GMDS: variants seen among roughly 807,000 people sequenced by gnomAD.
GMDS encodes the protein GDP-mannose 4,6 dehydratase.
GMDS carries 20 observed loss-of-function variants against 49.9 expected under a neutral mutation model. The observed-to-expected ratio is 0.40, with a 90% CI of 0.28 to 0.58. The LOEUF (loss-of-function observed/expected upper bound fraction) is 0.58. Ranked by LOEUF, GMDS falls within the 20% of genes least tolerant of loss-of-function variation. The pLI is 0.42. For missense variants in GMDS, 362 were observed against 481.4 expected (o/e 0.75, Z 2.32); for synonymous variants, 177 against 178.6 (o/e 0.99, Z 0.07).
Position 1,672,092 on chromosome 6 carries a change from C to T in GMDS, c.988-47552G>A, listed in dbSNP as rs1183804536. 2.0e-5 allele frequency among the ~76,000 whole-genome samples: 3 copies of T among 152,204 alleles called. No homozygotes were observed. In the East Asian group the frequency reaches 5.8e-4, roughly 29 times the overall value. On this transcript the variant is annotated intron_variant, in intron 9 of 10. Coordinates refer to ENST00000380815, the MANE Select transcript of GMDS (RefSeq NM_001500.4). ...CCCACACTGTCTTATTATATTTCTACAAAAGAGTGTTTTTTCCTGGATTAG... is the reference window on the plus strand; with the variant it reads ...CCCACACTGTCTTATTATATTTCTATAAAAGAGTGTTTTTTCCTGGATTAG...
chr6:1,723,008 G>C (rs1766438009), intron 9 of GMDS, among the ~76,000 whole-genome samples: 1 of 152,194 alleles, frequency 6.6e-6, no homozygotes, highest in African/African-American at 2.4e-5. Context: ...GCTTTAATTG[G>C]ATGCTGGAGT....
At chr6:1,795,011 G>A (rs1054500935) in intron 7 of GMDS, among the ~76,000 whole-genome samples, 5 of 152,018 alleles carry the variant, frequency 3.3e-5, no homozygotes, top group East Asian at 1.9e-4. Flanking sequence ...GAAACATAGC[G>A]AAGCCCCATC....
At chr6:1,699,395 T>C (rs1344956900) in intron 9 of GMDS, among the ~76,000 whole-genome samples, 1 of 151,910 alleles carries the variant, frequency 6.6e-6, no homozygotes, top group Non-Finnish European at 1.5e-5. Flanking sequence ...TGGAGGTTGC[T>C]GAGAGGCTAG....
chr6:1,705,950 C>T, intron 9 of GMDS, among the ~76,000 whole-genome samples: 1 of 152,156 alleles, frequency 6.6e-6, no homozygotes, highest in East Asian at 1.9e-4. Context: ...AGAACAGGTG[C>T]ATCTGGGGGG....
intron 9 of GMDS, among the ~76,000 whole-genome samples, chr6:1,675,151 G>C (rs2113291717): frequency 6.6e-6 from 1 of 152,048 alleles, no homozygotes; most frequent in South Asian, 2.1e-4. Flanking sequence ...TGGTCAGGCT[G>C]GTCTCCAACT....
rs576293297 is a variant in GMDS at position 2,006,020 on chromosome 6, C to T, written c.346-45054G>A. Among the ~76,000 whole-genome samples the T allele has an allele frequency of 2.8e-3, 421 of 152,202 alleles. 4 individuals are homozygous for T. The highest frequency in any genetic ancestry group is 9.6e-3 in the African/African-American group (399 of 41,524). ...ACCTACCATTTTATACACTAATGACCTCCAAATCCTCATTTCTAATTCAAT... is the reference window on the plus strand; with the variant it reads ...ACCTACCATTTTATACACTAATGACTTCCAAATCCTCATTTCTAATTCAAT... On this transcript the variant is annotated intron_variant, in intron 4 of 10. Transcript: ENST00000380815.
At chr6:1,993,096 G>A (rs1223711251) in intron 4 of GMDS, among the ~76,000 whole-genome samples, 2 of 152,014 alleles carry the variant, frequency 1.3e-5, no homozygotes, top group Admixed American at 6.6e-5. Flanking sequence ...TCTCGGGAAC[G>A]CTCACAGTGC....
intron 4 of GMDS, among the ~76,000 whole-genome samples, chr6:1,975,420 C>T (rs1415628652): frequency 1.3e-5 from 2 of 152,176 alleles, no homozygotes; most frequent in Admixed American, 6.5e-5. Context: ...CAACAGCAGA[C>T]TCTGCTGCAT....
intron 1 of GMDS, among the ~76,000 whole-genome samples, chr6:2,180,607 G>C (rs1778477431): frequency 6.6e-6 from 1 of 152,078 alleles, no homozygotes. Context: ...TGAGTAACTT[G>C]TTCCTCTGTG....
chr6:1,630,894 T>A lies in GMDS; in HGVS notation c.988-6354A>T, dbSNP rs550412992. Among the ~76,000 whole-genome samples, 16 of 152,120 alleles carry A rather than the reference T, an allele frequency of 1.1e-4. No homozygotes were observed. In the South Asian group the frequency reaches 3.1e-3, roughly 30 times the overall value. ...CGAGCTGAGATGGGGGGTGGCTGAC[T>A]CATAGTTGTGATGCGGGGGCCATTT... On this transcript the variant is annotated intron_variant, in intron 9 of 10. Transcript: ENST00000380815.
chr6:2,201,167 G>T, intron 1 of GMDS, among the ~76,000 whole-genome samples: 1 of 133,816 alleles, frequency 7.5e-6, no homozygotes, highest in African/African-American at 2.9e-5. Flanking sequence ...GGCAGTGAGG[G>T]CAGCATGTTA....
At chr6:1,738,497 C>T (rs1395958974) in intron 8 of GMDS, among the ~76,000 whole-genome samples, 6 of 152,144 alleles carry the variant, frequency 3.9e-5, no homozygotes, top group Non-Finnish European at 8.8e-5. Context: ...CAAGCCTTTT[C>T]GGAGAACATT....
intron 1 of GMDS, among the ~76,000 whole-genome samples, chr6:2,154,603 T>C (rs1271445699): frequency 3.3e-5 from 5 of 152,044 alleles, no homozygotes; most frequent in Non-Finnish European, 5.9e-5. Context: ...CACCTAAACT[T>C]AGGCCACTCG....
chr6:2,226,922 G>A (rs1297412479), intron 1 of GMDS, among the ~76,000 whole-genome samples: 1 of 152,134 alleles, frequency 6.6e-6, no homozygotes, highest in Non-Finnish European at 1.5e-5. Flanking sequence ...AATCATCCAG[G>A]AATGATTCCA....
chr6:2,071,995 G>A (rs576398396), intron 4 of GMDS, among the ~76,000 whole-genome samples: 28 of 152,280 alleles, frequency 1.8e-4, no homozygotes, highest in African/African-American at 6.0e-4. Flanking sequence ...CTTTGCATTC[G>A]TAGAACAATT....
intron 1 of GMDS, among the ~76,000 whole-genome samples, chr6:2,226,013 G>GA (rs982123304): frequency 1.3e-5 from 2 of 149,924 alleles, no homozygotes; most frequent in Non-Finnish European, 3.0e-5. Context: ...CCTAAGAAAA[G>GA]AAAAAAAGAG....
intron 7 of GMDS, among the ~76,000 whole-genome samples, chr6:1,910,972 C>T (rs1761022415): frequency 6.6e-6 from 1 of 152,078 alleles, no homozygotes; most frequent in African/African-American, 2.4e-5. Context: ...TTAAATGTAC[C>T]ACTAAAAAGT....
chr6:2,067,766 A>G (rs1041653397), intron 4 of GMDS, among the ~76,000 whole-genome samples: 5 of 149,192 alleles, frequency 3.4e-5, no homozygotes, highest in African/African-American at 1.2e-4. Context: ...AATTGTGGCA[A>G]TAATCAATAG....
intron 9 of GMDS, among the ~76,000 whole-genome samples, chr6:1,672,217 T>A (rs945675137): frequency 1.3e-5 from 2 of 152,200 alleles, no homozygotes; most frequent in Non-Finnish European, 2.9e-5. Flanking sequence ...AGGCCATTGC[T>A]GCGCCATGTT....
Sources: allele counts gnomAD v4.1 joint callset (sites outside exome capture counted in the v4.1 genomes callset), GRCh38; gene constraint gnomAD v4.1.1; transcripts MANE v1.5; gene names NCBI Gene and HGNC (gene_info 2026-07-23, HGNC 2026-07-21).